The following AP1M2 variants were observed in gnomAD, a reference collection of about 807,000 sequenced individuals.
AP1M2 encodes the protein AP-1 complex subunit mu-2.
AP1M2 carries 41 observed loss-of-function variants against 54.6 expected under a neutral mutation model. The observed-to-expected ratio is 0.75, with a 90% CI of 0.59 to 0.97. The LOEUF is 0.97. Among genes scored for constraint, AP1M2 ranks in the 50% least tolerant of loss-of-function variants. The probability of loss-of-function intolerance (pLI) is 0.00; values close to 1 mark genes in which losing one functional copy is unlikely to be tolerated. For synonymous variants in AP1M2, 219 were observed against 215.9 expected, an observed-to-expected ratio of 1.01 and a Z score of -0.13; for missense variants, 507 against 561.2, an observed-to-expected ratio of 0.90 and a Z score of 0.98.
intron 1 of AP1M2, among the ~76,000 whole-genome samples, chr19:10,585,567 C>T (rs1917633043): frequency 6.6e-6 from 1 of 151,856 alleles, no homozygotes; most frequent in African/African-American, 2.4e-5. Flanking sequence ...TGTGCTGGCG[C>T]ATGACCGTAA....
At chr19:10,575,661 T>G (rs1917204311) in intron 9 of AP1M2, among the ~76,000 whole-genome samples, 1 of 152,142 alleles carries the variant, frequency 6.6e-6, no homozygotes, top group South Asian at 2.1e-4. Context: ...CATGGAAGTT[T>G]ACACGTCTGT....
chr19:10,581,148 G>T, intron 6 of AP1M2, 118 bp downstream of exon 6: 1 of 1,398,658 alleles, frequency 7.1e-7, no homozygotes, highest in Non-Finnish European at 9.6e-7. Context: ...GCCGTGATCA[G>T]CAGATGGTGA....
intron 11 of AP1M2, among the ~76,000 whole-genome samples, chr19:10,574,172 A>G (rs1228941413): frequency 6.6e-6 from 1 of 152,100 alleles, no homozygotes; most frequent in Non-Finnish European, 1.5e-5. Flanking sequence ...GGCATACACC[A>G]CCACACCCGG....
chr19:10,578,379 G>A (rs1917317557), intron 8 of AP1M2, among the ~76,000 whole-genome samples: 1 of 152,054 alleles, frequency 6.6e-6, no homozygotes, highest in Non-Finnish European at 1.5e-5. Flanking sequence ...CTGCTCGGGA[G>A]GCTGAGGTAG....
chr19:10,578,786 A>C (rs913821060), intron 8 of AP1M2, 106 bp downstream of exon 8: 7 of 784,192 alleles, frequency 8.9e-6, no homozygotes, highest in Non-Finnish European at 1.4e-5. Flanking sequence ...TCCTGGGCTT[A>C]AGTGATCTAA....
At chr19:10,584,524 G>A (rs993594019) in intron 1 of AP1M2, among the ~76,000 whole-genome samples, 3 of 152,016 alleles carry the variant, frequency 2.0e-5, no homozygotes, top group Non-Finnish European at 4.4e-5. Context: ...AGATTGCAGT[G>A]AGCCGAGATC....
chr19:10,574,709 C>G (rs1917168277), intron 10 of AP1M2, among the ~76,000 whole-genome samples, 195 bp downstream of exon 10: 1 of 152,120 alleles, frequency 6.6e-6, no homozygotes, highest in Admixed American at 6.6e-5. Context: ...CGGTGGGGAA[C>G]AAGGTGGCAC....
At chr19:10,578,995 G>T in intron 7 of AP1M2, 32 bp from the exon 8 acceptor site, 2 of 1,386,872 alleles carry the variant, frequency 1.4e-6, no homozygotes, top group Non-Finnish European at 2.0e-6. Flanking sequence ...AGTTCTTGGA[G>T]ACTCCATGTT....
intron 2 of AP1M2, 46 bp downstream of exon 2, chr19:10,583,868 G>A (rs917803814): frequency 1.2e-5 from 19 of 1,558,298 alleles, no homozygotes; most frequent in Non-Finnish European, 1.7e-5. Context: ...CACCATCGCC[G>A]ACAGCCCCCA....
rs1381442071 is a variant in AP1M2, at chr19:10,581,146, C to CAGCA, written c.673+116_673+119dup. ...CAATGGCTGCAATACTGGCCGTGAT[C>CAGCA]AGCAGATGGTGAGCGAGCGCTTATT... is the stretch of plus-strand genomic sequence containing the variant. On this transcript the variant is annotated intron_variant, in intron 6 of 11. Coordinates refer to ENST00000250244, the MANE Select transcript of AP1M2 (RefSeq NM_005498.5). 1.9e-5 allele frequency: 27 copies of CAGCA among 1,387,972 alleles called. No homozygotes were observed. The African/African-American group carries it at 3.6e-4, about 19-fold the overall frequency. 86.0% of individuals were successfully genotyped at this position (1,387,972 alleles called of 1,614,324 possible).
At chr19:10,578,296 G>A (rs1917313012) in intron 8 of AP1M2, among the ~76,000 whole-genome samples, 1 of 152,218 alleles carries the variant, frequency 6.6e-6, no homozygotes, top group East Asian at 1.9e-4. Context: ...AGCCGGGGGT[G>A]GTGGGCCACA....
Position 10,581,734 on chromosome 19 carries a change from A to G in AP1M2, c.398+14T>C. On this transcript the variant is annotated intron_variant, in intron 4 of 11. Coordinates refer to ENST00000250244, the MANE Select transcript of AP1M2 (RefSeq NM_005498.5). ...CACAGTCCAGCCCATGGCTGCCTCC[A>G]GGGGTCCACTCACTCCTGCAGGATC... is the stretch of plus-strand genomic sequence containing the variant. 6.2e-7 allele frequency: 1 copy of G among 1,612,564 alleles called. No individual in the cohort carries two copies. Among genetic ancestry groups the G allele is most frequent in the South Asian group, 1.1e-5 (1 of 90,990 alleles).
chr19:10,582,207 C>A (rs1053552354), intron 3 of AP1M2, among the ~76,000 whole-genome samples: 6 of 151,992 alleles, frequency 3.9e-5, no homozygotes, highest in Non-Finnish European at 8.8e-5. Context: ...CCAGGGCCAG[C>A]TAATATTTGT....
Position 10,583,661 on chromosome 19 carries a change from G to T in AP1M2, c.212C>A (p.Thr71Lys). 1 of 1,613,450 alleles carries T rather than the reference G, an allele frequency of 6.2e-7. No homozygotes were observed. The highest frequency in any genetic ancestry group is 8.5e-7 in the Non-Finnish European group (1 of 1,179,542). Residue 71 changes from threonine to lysine, a missense_variant, in exon 3 of 12, where the codon ACA becomes AAA. Transcript: ENST00000250244. ...KHSNLYLVAT[T>K]SKNANASLVY... ...CAGGGAGGCATTGGCATTCTTCGAT[G>T]TGGTGGCCACCACTGGGGCAGCAAG...
At chr19:10,583,790 C>G (rs1161068933) in intron 2 of AP1M2, 117 bp from the exon 3 acceptor site, 3 of 1,488,554 alleles carry the variant, frequency 2.0e-6, no homozygotes, top group Admixed American at 2.0e-5. Context: ...CCCTGCCCCC[C>G]AGCCTAAGCC....
In AP1M2 at chr19:10,587,243, A is replaced by T; in HGVS notation, c.-12T>A. On this transcript the variant is annotated 5_prime_UTR_variant, in exon 1 of 12. Transcript: ENST00000250244. ...GCCGAGGCGGACATGGTGGCGGCCG[A>T]AGGACTTAGGAGTCGGGGAGGGAGC... The T allele has an allele frequency of 6.4e-7, 1 of 1,563,172 alleles. No homozygotes were observed.
chr19:10,578,489 AAACG>A (rs151125232), intron 8 of AP1M2, among the ~76,000 whole-genome samples: 37,492 of 151,886 alleles, frequency 0.25, 5,390 homozygotes, highest in East Asian at 0.62. Flanking sequence ...CTCAAAAAAC[AAACG>A]AACAAACAAA....
intron 9 of AP1M2, among the ~76,000 whole-genome samples, chr19:10,575,793 G>T (rs1379032759): frequency 8.7e-6 from 1 of 114,630 alleles, no homozygotes; most frequent in Non-Finnish European, 1.7e-5. Context: ...TTGAGATGGA[G>T]TCTTACTCTG....
rs61052727 is a variant in AP1M2 at position 10,577,734 on chromosome 19, C to CT, written c.889-379dup. ...ACAGGCGTGAGCCACCATGCTTGGCCTTTTTTTTTTTTTTTTTTTTTAGAC... is the reference window on the plus strand; with the variant it reads ...ACAGGCGTGAGCCACCATGCTTGGCCTTTTTTTTTTTTTTTTTTTTTTAGAC... On this transcript the variant is annotated intron_variant, in intron 8 of 11. Coordinates refer to ENST00000250244, the MANE Select transcript of AP1M2 (RefSeq NM_005498.5). Among the ~76,000 whole-genome samples, 979 of 113,472 alleles carry CT rather than the reference C, an allele frequency of 8.6e-3. 11 individuals are homozygous for CT. Among genetic ancestry groups the CT allele is most frequent in the East Asian group, 0.045 (167 of 3,688 alleles). 74.4% of individuals were successfully genotyped at this position (113,472 alleles called of 152,430 possible).
Sources: gnomAD v4.1 joint callset for allele counts (sites outside exome capture counted in the v4.1 genomes callset) on GRCh38, gnomAD v4.1.1 for gene constraint, MANE v1.5 for transcripts, NCBI Gene and HGNC (gene_info 2026-07-23, HGNC 2026-07-21) for gene names.